RFC1: variants seen among roughly 807,000 people sequenced by gnomAD.
The protein encoded by RFC1 is replication factor C subunit 1, also known as A1 140 kDa subunit.
Under a neutral mutation model 137.4 loss-of-function variants are expected in RFC1, and 37 were observed. That is an observed-to-expected ratio of 0.27 (90% CI 0.21 to 0.35). The LOEUF is 0.35. Among genes scored for constraint, RFC1 ranks in the 10% least tolerant of loss-of-function variants. The pLI is 1.00. For synonymous variants in RFC1, 429 were observed against 455.7 expected, an observed-to-expected ratio of 0.94 and a Z score of 0.75; for missense variants, 1,205 against 1,358.5, an observed-to-expected ratio of 0.89 and a Z score of 1.78.
intron 1 of RFC1, among the ~76,000 whole-genome samples, chr4:39,356,915 C>A (rs979706644): frequency 3.3e-5 from 5 of 152,148 alleles, no homozygotes; most frequent in African/African-American, 1.2e-4. Flanking sequence ...AACTTTTGAA[C>A]AGTAACAAGT....
In RFC1 at chr4:39,303,127, G is replaced by C. The variant is rs142517282; in HGVS notation, c.2135C>G (p.Thr712Arg). 2.0e-5 allele frequency: 32 copies of C among 1,613,632 alleles called. No homozygotes were observed. In the African/African-American group the frequency reaches 3.7e-4, roughly 19 times the overall value. The change falls in exon 16 of 25, where the codon ACG becomes AGG. Residue 712 changes from threonine to arginine, a missense_variant. Physicochemically the swap from Thr to Arg is moderately conservative, Grantham distance 71. Around this residue, in one of 3 missense-constraint regions of RFC1, gnomAD observed 962 missense variants for 1,035.3 expected, o/e 0.93. Coordinates refer to ENST00000349703, the MANE Select transcript of RFC1 (RefSeq NM_002913.5). ...YSNGAASSVS[T>R]KHALIMDEVD... ...TTCATCCATGATGAGAGCATGTTTC[G>C]TGCTTACTGAAGAGGCTGCTCCATC...
intron 21 of RFC1, among the ~76,000 whole-genome samples, chr4:39,299,297 A>C (rs1738209977): frequency 6.6e-6 from 1 of 152,108 alleles, no homozygotes; most frequent in African/African-American, 2.4e-5. Context: ...TCTCTGTTCG[A>C]GGCTCTCAGC....
chr4:39,347,545 T>C (rs986770394), intron 2 of RFC1, among the ~76,000 whole-genome samples: 2 of 152,074 alleles, frequency 1.3e-5, no homozygotes, highest in Non-Finnish European at 2.9e-5. Flanking sequence ...GATACTACTA[T>C]AAAACAAACA....
intron 5 of RFC1, among the ~76,000 whole-genome samples, chr4:39,326,953 T>C (rs983340368): frequency 2.0e-5 from 3 of 152,202 alleles, no homozygotes; most frequent in African/African-American, 7.2e-5. Context: ...GCCCAGAACA[T>C]TGGCAAACCA....
chr4:39,305,066 AACAG>A (rs1285924919), intron 14 of RFC1, 138 bp from the exon 15 acceptor site: 16 of 663,352 alleles, frequency 2.4e-5, no homozygotes, highest in Non-Finnish European at 4.1e-5. Flanking sequence ...GTATGATACT[AACAG>A]ACAATGAGAT....
At chr4:39,318,478 C>G (rs1739359409) in intron 9 of RFC1, among the ~76,000 whole-genome samples, 1 of 152,218 alleles carries the variant, frequency 6.6e-6, no homozygotes, top group Admixed American at 6.5e-5. Flanking sequence ...CTTTGAAGGA[C>G]ACCCACTTTA....
intron 1 of RFC1, among the ~76,000 whole-genome samples, chr4:39,357,230 T>C (rs2109772661): frequency 6.6e-6 from 1 of 152,298 alleles, no homozygotes; most frequent in Middle Eastern, 3.4e-3. Flanking sequence ...CACCCCAGTA[T>C]CTGTTAAGTC....
In RFC1 at chr4:39,302,862, G is replaced by A. The variant is rs1490652200; in HGVS notation, c.2215C>T (p.Leu739=). 6.3e-7 allele frequency: 1 copy of A among 1,579,696 alleles called. No homozygotes were observed. The change falls in exon 17 of 25, where the codon CTG becomes TTG. Residue 739 remains leucine (L), a synonymous_variant. Coordinates refer to ENST00000349703, the MANE Select transcript of RFC1 (RefSeq NM_002913.5). ...DRGGIQELIG[L]IKHTKIPIIC... ...ATGGGAATTTTAGTATGTTTTATCA[G>A]GCCAATTAATTCCTGAAAGGCAAGT...
chr4:39,332,114 G>A (rs571362262), intron 4 of RFC1, among the ~76,000 whole-genome samples: 1 of 152,206 alleles, frequency 6.6e-6, no homozygotes, highest in Non-Finnish European at 1.5e-5. Flanking sequence ...GAGGTCCCCA[G>A]CCATGTGGAA....
At position 39,313,026 on chromosome 4, in the gene RFC1, T is replaced by TCATAAATAACCTTA. The variant is rs1218822385; in HGVS notation, c.1204-96_1204-95insTAAGGTTATTTATG. On this transcript the variant is annotated intron_variant, in intron 10 of 24. Coordinates refer to ENST00000349703, the MANE Select transcript of RFC1 (RefSeq NM_002913.5). Reference sequence around the variant, plus strand: ...AACTGCAGGAAGTTGATTTTTCTCATTTCACATCATAAATAACCTTGGCAT... The same window carrying TCATAAATAACCTTA: ...AACTGCAGGAAGTTGATTTTTCTCATCATAAATAACCTTATTCACATCATAAATAACCTTGGCAT... The TCATAAATAACCTTA allele has an allele frequency of 7.8e-6, 8 of 1,023,606 alleles. No individual in the cohort carries two copies. The Admixed American group carries it at 1.8e-4, about 23-fold the overall frequency. The allele number at this position is 1,023,606 out of a possible 1,614,324, so 63.4% of individuals were successfully genotyped here.
chr4:39,327,465 T>G, intron 5 of RFC1, 59 bp downstream of exon 5: 1 of 1,047,330 alleles, frequency 9.5e-7, no homozygotes, highest in Non-Finnish European at 1.4e-6. Flanking sequence ...GTTTCTCCTG[T>G]TAATATTAGT....
At chr4:39,358,942 A>G (rs930546605) in intron 1 of RFC1, among the ~76,000 whole-genome samples, 1 of 152,156 alleles carries the variant, frequency 6.6e-6, no homozygotes, top group African/African-American at 2.4e-5. Flanking sequence ...TCTGAATTCC[A>G]TATTTATGCA....
chr4:39,339,602 A>G (rs755678216), intron 4 of RFC1, among the ~76,000 whole-genome samples: 3 of 152,052 alleles, frequency 2.0e-5, no homozygotes, highest in Non-Finnish European at 2.9e-5. Context: ...TTGTTTTTCT[A>G]TTGAATTGTA....
intron 10 of RFC1, among the ~76,000 whole-genome samples, chr4:39,313,387 T>G (rs1447670541): frequency 1.3e-5 from 2 of 152,256 alleles, no homozygotes; most frequent in Non-Finnish European, 2.9e-5. Flanking sequence ...TTGATGTTTC[T>G]GTTAATGTTT....
chr4:39,306,399 A>C (rs893614118), intron 14 of RFC1, among the ~76,000 whole-genome samples, 193 bp downstream of exon 14: 1 of 152,234 alleles, frequency 6.6e-6, no homozygotes, highest in South Asian at 2.1e-4. Context: ...CCAATATTTT[A>C]AAAGGATTAA....
At position 39,317,019 on chromosome 4, in the gene RFC1, C is replaced by A. The variant is rs201630129; in HGVS notation, c.1099G>T (p.Val367Leu). The A allele has an allele frequency of 6.2e-7, 1 of 1,608,268 alleles. No homozygotes were observed. The change falls in exon 10 of 25, where the codon GTA (valine) becomes TTA (leucine). Residue 367 changes from valine (V) to leucine (L), a missense_variant. Coordinates refer to ENST00000349703, the MANE Select transcript of RFC1 (RefSeq NM_002913.5). ...TKSSPAKKES[V>L]SPEDSEKKRT... ...TTCTTTTCAGAATCTTCAGGACTTA[C>A]AGACTTTGGGAACAGGGAAAGGAAA...
intron 1 of RFC1, among the ~76,000 whole-genome samples, chr4:39,363,236 T>C (rs17584703): frequency 0.18 from 27,776 of 152,250 alleles, 2,540 homozygotes; most frequent in East Asian, 0.24. Context: ...GAAATTCAAA[T>C]TGTCTACATG....
chr4:39,345,207 G>C (rs900736309), intron 3 of RFC1, among the ~76,000 whole-genome samples, 194 bp downstream of exon 3: 10 of 152,052 alleles, frequency 6.6e-5, no homozygotes, highest in Admixed American at 5.9e-4. Context: ...CAGAGAAGGG[G>C]TTTCACCATG....
At chr4:39,308,556 A>G in intron 13 of RFC1, 80 bp downstream of exon 13, 1 of 1,509,902 alleles carries the variant, frequency 6.6e-7, no homozygotes, top group Non-Finnish European at 8.9e-7. Context: ...ATGAATCGTT[A>G]GATTTTCTCA....
Sources: allele counts gnomAD v4.1 joint callset (sites outside exome capture counted in the v4.1 genomes callset), GRCh38; gene constraint gnomAD v4.1.1; regional missense constraint gnomAD v4.1.1; transcripts MANE v1.5; gene names NCBI Gene and HGNC (gene_info 2026-07-23, HGNC 2026-07-21).